Variants in NCAM2 observed in about 807,000 individuals in gnomAD.
The protein encoded by NCAM2 is neural cell adhesion molecule 2.
NCAM2 carries 30 observed loss-of-function variants against 98.1 expected under a neutral mutation model. That is an observed-to-expected ratio of 0.31 (90% CI 0.23 to 0.41). The LOEUF is 0.41. Among genes scored for constraint, NCAM2 ranks in the 10% least tolerant of loss-of-function variants. NCAM2 has a pLI of 1.00. For synonymous variants in NCAM2, 368 were observed against 342.4 expected (o/e 1.07, Z -0.83); for missense variants, 867 against 1,005.8 (o/e 0.86, Z 1.87).
At position 21,155,228 on chromosome 21, in the gene NCAM2, T is replaced by C. The variant is rs371157262; in HGVS notation, c.56-125350T>C. Among the ~76,000 whole-genome samples, 34 of 151,066 alleles carry C rather than the reference T, an allele frequency of 2.3e-4. No individual in the cohort carries two copies. In the South Asian group the frequency reaches 7.0e-3, roughly 31 times the overall value. ...AAGGCACTTCAGAAAATGTTTGCCA[T>C]GTGAGCCCTCACAAAGGTGAGTGGC... On this transcript the variant is annotated intron_variant, in intron 1 of 17. Transcript: ENST00000400546.
At chr21:21,120,634 G>A (rs539969657) in intron 1 of NCAM2, among the ~76,000 whole-genome samples, 2 of 151,918 alleles carry the variant, frequency 1.3e-5, no homozygotes, top group Non-Finnish European at 2.9e-5. Context: ...GTCCAGCTTG[G>A]TTCAACACAG....
intron 8 of NCAM2, among the ~76,000 whole-genome samples, chr21:21,358,298 A>C (rs1295511270): frequency 6.6e-6 from 1 of 152,086 alleles, no homozygotes; most frequent in Non-Finnish European, 1.5e-5. Flanking sequence ...AGTAAACCTG[A>C]CTGAGCCTCA....
intron 15 of NCAM2, among the ~76,000 whole-genome samples, chr21:21,503,253 G>A (rs1317086192): frequency 6.6e-6 from 1 of 151,838 alleles, no homozygotes; most frequent in Non-Finnish European, 1.5e-5. Flanking sequence ...GGCACAGTAA[G>A]TTAACAATAA....
In NCAM2 at chr21:21,426,886, G is replaced by A. The variant is rs232395; in HGVS notation, c.1481-5222G>A. 7.3e-3 allele frequency among the ~76,000 whole-genome samples: 1,119 copies of A among 152,258 alleles called. 15 individuals are homozygous for A. Among genetic ancestry groups the A allele is most frequent in the African/African-American group, 0.025 (1,039 of 41,542 alleles). ...AGCCTGCAATTTCTTATGATAAACA[G>A]GAGTGTCTTAAATCGTATAATTTGA... On this transcript the variant is annotated intron_variant, in intron 11 of 17. Coordinates refer to ENST00000400546, the MANE Select transcript of NCAM2 (RefSeq NM_004540.5).
At chr21:21,350,892 C>G (rs2075315512) in intron 8 of NCAM2, among the ~76,000 whole-genome samples, 1 of 139,274 alleles carries the variant, frequency 7.2e-6, no homozygotes, top group Non-Finnish European at 1.5e-5. Flanking sequence ...TGGAGACCAT[C>G]ATGGCTAACA....
chr21:21,276,322 A>C (rs1165897193), intron 1 of NCAM2, among the ~76,000 whole-genome samples: 2 of 152,088 alleles, frequency 1.3e-5, no homozygotes, highest in Admixed American at 1.3e-4. Context: ...ATAGTTAATA[A>C]ATACTTATGA....
At chr21:21,313,881 T>A (rs946411596) in intron 5 of NCAM2, among the ~76,000 whole-genome samples, 1 of 152,048 alleles carries the variant, frequency 6.6e-6, no homozygotes, top group Non-Finnish European at 1.5e-5. Context: ...CCGTTGTAAT[T>A]CAATGTCCCT....
intron 16 of NCAM2, among the ~76,000 whole-genome samples, chr21:21,519,261 G>T (rs1372812692): frequency 6.6e-6 from 1 of 152,100 alleles, no homozygotes; most frequent in Non-Finnish European, 1.5e-5. Context: ...TTTTGCTATT[G>T]TGTGAAGAAT....
chr21:21,448,517 A>C (rs1980541712), intron 12 of NCAM2, among the ~76,000 whole-genome samples: 1 of 150,534 alleles, frequency 6.6e-6, no homozygotes, highest in African/African-American at 2.4e-5. Flanking sequence ...AAAATAAATA[A>C]ATAAATAAAT....
chr21:21,350,219 T>TA (rs1351241238), intron 8 of NCAM2, among the ~76,000 whole-genome samples: 1 of 152,024 alleles, frequency 6.6e-6, no homozygotes, highest in Non-Finnish European at 1.5e-5. Context: ...CTTAAAAATT[T>TA]AAAAATTAAA....
intron 1 of NCAM2, among the ~76,000 whole-genome samples, chr21:21,052,654 T>C (rs1203408984): frequency 6.6e-6 from 1 of 152,114 alleles, no homozygotes; most frequent in African/African-American, 2.4e-5. Flanking sequence ...CAGAAATATC[T>C]CATCCCCTGG....
At chr21:21,064,566 G>T (rs1462158499) in intron 1 of NCAM2, among the ~76,000 whole-genome samples, 1 of 152,110 alleles carries the variant, frequency 6.6e-6, no homozygotes, top group Non-Finnish European at 1.5e-5. Flanking sequence ...GTCATTCTAG[G>T]AATTGCTGTG....
intron 3 of NCAM2, 84 bp downstream of exon 3, chr21:21,284,484 T>C: frequency 1.0e-6 from 1 of 966,478 alleles, no homozygotes; most frequent in Non-Finnish European, 1.6e-6. Flanking sequence ...TGATAACACT[T>C]ATTAAGAACT....
intron 11 of NCAM2, among the ~76,000 whole-genome samples, chr21:21,427,542 A>T (rs117578323): frequency 6.6e-6 from 1 of 152,328 alleles, no homozygotes; most frequent in East Asian, 1.9e-4. Context: ...AAACAGTGAA[A>T]GTCATAGAAA....
chr21:21,186,150 T>G (rs745886515), intron 1 of NCAM2, among the ~76,000 whole-genome samples: 1 of 152,172 alleles, frequency 6.6e-6, no homozygotes, highest in South Asian at 2.1e-4. Context: ...TTATCGCTAG[T>G]CCCATTATAA....
chr21:21,459,503 T>C (rs889395959), intron 12 of NCAM2, among the ~76,000 whole-genome samples: 34 of 148,240 alleles, frequency 2.3e-4, no homozygotes, highest in African/African-American at 8.3e-4. Context: ...TACATATGTG[T>C]ATAGAATGTT....
intron 15 of NCAM2, among the ~76,000 whole-genome samples, chr21:21,508,348 C>T (rs961271483): frequency 9.2e-5 from 14 of 152,072 alleles, no homozygotes; most frequent in South Asian, 2.1e-4. Flanking sequence ...TAAAATAACG[C>T]GCTCAGAACC....
chr21:21,134,584 T>C (rs1326796384), intron 1 of NCAM2, among the ~76,000 whole-genome samples: 2 of 152,248 alleles, frequency 1.3e-5, no homozygotes, highest in Non-Finnish European at 2.9e-5. Flanking sequence ...AAACTGTCTA[T>C]CATTTTCATT....
At chr21:21,393,491 T>G (rs2076427040) in intron 9 of NCAM2, among the ~76,000 whole-genome samples, 1 of 152,194 alleles carries the variant, frequency 6.6e-6, no homozygotes, top group Non-Finnish European at 1.5e-5. Context: ...TGACTGTTTA[T>G]TTTAATTATT....
Sources: allele counts gnomAD v4.1 joint callset (sites outside exome capture counted in the v4.1 genomes callset), GRCh38; gene constraint gnomAD v4.1.1; transcripts MANE v1.5; gene names NCBI Gene and HGNC (gene_info 2026-07-23, HGNC 2026-07-21).